The following BANP variants were observed in gnomAD, a reference collection of about 807,000 sequenced individuals.
The protein encoded by BANP is protein BANP.
Under a neutral mutation model 68.1 loss-of-function variants are expected in BANP, and 11 were observed. The ratio of observed to expected loss-of-function variants is 0.16; its 90% CI spans 0.10 to 0.27. BANP has a LOEUF of 0.27. BANP is among the 10% of genes least tolerant of loss of function. BANP has a pLI of 1.00. For synonymous variants in BANP, 329 were observed against 303.2 expected, an observed-to-expected ratio of 1.09 and a Z score of -0.88; for missense variants, 504 against 722.7, an observed-to-expected ratio of 0.70 and a Z score of 3.47.
intron 11 of BANP, among the ~76,000 whole-genome samples, chr16:88,047,893 T>C (rs569003684): frequency 5.9e-5 from 9 of 152,244 alleles, no homozygotes; most frequent in Non-Finnish European, 1.0e-4. Flanking sequence ...TCCTGTCACT[T>C]AAACATTTTG....
rs552520542 is a variant in BANP at position 87,998,768 on chromosome 16, G to A, written c.363-5527G>A. Among the ~76,000 whole-genome samples, 5 of 144,426 alleles carry A rather than the reference G, an allele frequency of 3.5e-5. No individual in the cohort carries two copies. In the South Asian group the frequency reaches 9.0e-4, roughly 26 times the overall value. The allele number at this position is 144,426 out of a possible 152,430, so 94.7% of individuals were successfully genotyped here. Reference sequence around the variant, plus strand: ...CCTGTCTTTCCAGACACCCAGACACGTCTCCATGCACGCACGTGCGCGGCT... The same window carrying A: ...CCTGTCTTTCCAGACACCCAGACACATCTCCATGCACGCACGTGCGCGGCT... On this transcript the variant is annotated intron_variant, in intron 4 of 13. Coordinates refer to ENST00000682872, the MANE Select transcript of BANP (RefSeq NM_001386991.1).
At chr16:88,050,277 C>T (rs1297734520) in intron 11 of BANP, among the ~76,000 whole-genome samples, 1 of 152,184 alleles carries the variant, frequency 6.6e-6, no homozygotes, top group Admixed American at 6.5e-5. Context: ...CCACCTCAGC[C>T]TCCCCGGTGG....
intron 3 of BANP, among the ~76,000 whole-genome samples, chr16:87,983,236 TC>T (rs1201800437): frequency 1.3e-5 from 2 of 151,522 alleles, no homozygotes; most frequent in Admixed American, 1.3e-4. Context: ...TGGTGGGCGC[TC>T]CCCCAACCTG....
chr16:88,010,028 T>C (rs1475660801), intron 6 of BANP, among the ~76,000 whole-genome samples: 5 of 152,274 alleles, frequency 3.3e-5, no homozygotes, highest in African/African-American at 1.2e-4. Flanking sequence ...CGGTAGTTCC[T>C]GACTGTTGAA....
intron 4 of BANP, among the ~76,000 whole-genome samples, chr16:87,986,489 G>A (rs1383595643): frequency 6.6e-6 from 1 of 152,230 alleles, no homozygotes; most frequent in African/African-American, 2.4e-5. Context: ...TTGGGCCTCT[G>A]ACTGTCACAG....
chr16:88,028,706 A>G (rs551147156), intron 8 of BANP, among the ~76,000 whole-genome samples: 10 of 152,372 alleles, frequency 6.6e-5, no homozygotes, highest in African/African-American at 2.4e-4. Context: ...AATACCATGT[A>G]GCAGCGTAAC....
intron 1 of BANP, among the ~76,000 whole-genome samples, chr16:87,972,104 T>G (rs894041187): frequency 1.9e-4 from 29 of 152,368 alleles, no homozygotes; most frequent in African/African-American, 6.3e-4. Flanking sequence ...GTTTTCATCT[T>G]TAGCATCTCC....
intron 3 of BANP, among the ~76,000 whole-genome samples, chr16:87,981,948 C>A (rs969047261): frequency 6.6e-6 from 1 of 152,212 alleles, no homozygotes; most frequent in African/African-American, 2.4e-5. Flanking sequence ...GTTATGAGAG[C>A]AACACAAAAC....
chr16:88,037,603 G>A (rs563763954), intron 10 of BANP: 5 of 285,920 alleles, frequency 1.7e-5, no homozygotes, highest in East Asian at 1.0e-4. Flanking sequence ...TCAGCAAGGC[G>A]TCCCCCTTCG....
At chr16:87,950,041 C>G (rs9928407), upstream of BANP, among the ~76,000 whole-genome samples, 21 of 151,958 alleles carry the variant, frequency 1.4e-4, no homozygotes, top group Admixed American at 1.3e-3. Context: ...CCGCGCCGGG[C>G]TAATTTTTTG....
intron 7 of BANP, 115 bp from the exon 8 acceptor site, chr16:88,027,368 C>T (rs774056653): frequency 2.7e-5 from 31 of 1,168,120 alleles, no homozygotes; most frequent in South Asian, 5.7e-5. Flanking sequence ...GCCGGCCTGG[C>T]GGGCTGGGGT....
At position 88,064,544 on chromosome 16, in the gene BANP, G is replaced by A. The variant is rs1346860598; in HGVS notation, c.1312-723G>A. On this transcript the variant is annotated intron_variant, in intron 11 of 13. Transcript: ENST00000682872. The surrounding 1 kb of genome is among the most constrained non-coding windows in gnomAD (Gnocchi z 4.5). ...GGCTAGGCGTCCAGGCCAGCATCGG[G>A]TTGGCTGAGGGTTTGCCGAGGAGAG... 1.3e-5 allele frequency among the ~76,000 whole-genome samples: 2 copies of A among 152,274 alleles called. No homozygotes were observed. The highest frequency in any genetic ancestry group is 2.9e-5 in the Non-Finnish European group (2 of 68,048).
intron 11 of BANP, among the ~76,000 whole-genome samples, chr16:88,058,116 A>C (rs1271334899): frequency 2.7e-5 from 4 of 149,272 alleles, no homozygotes; most frequent in African/African-American, 7.7e-5. Context: ...GGAATCTTTC[A>C]TCTAGAGACT....
At chr16:88,031,327 C>G (rs1309158475) in intron 8 of BANP, among the ~76,000 whole-genome samples, 1 of 152,194 alleles carries the variant, frequency 6.6e-6, no homozygotes, top group Admixed American at 6.5e-5. Flanking sequence ...TAGGCAATTT[C>G]TAGCATATTG....
At chr16:88,048,538 G>A (rs2082515418) in intron 11 of BANP, among the ~76,000 whole-genome samples, 2 of 151,826 alleles carry the variant, frequency 1.3e-5, no homozygotes, top group Admixed American at 1.3e-4. Context: ...GATTCTAACA[G>A]TGTTCTTGGT....
At chr16:88,038,637 G>A (rs1567837901) in intron 11 of BANP, among the ~76,000 whole-genome samples, 1 of 152,218 alleles carries the variant, frequency 6.6e-6, no homozygotes, top group Admixed American at 6.5e-5. Flanking sequence ...TGAAAAGAGT[G>A]ACCATTGGTT....
Position 87,984,071 on chromosome 16 carries a change from T to G in BANP, c.174T>G (p.Tyr58Ter). The change falls in exon 4 of 14, where the codon TAT becomes TAG. Residue 58 changes from tyrosine (Y) to a stop codon, truncating the protein, a stop_gained. Coordinates refer to ENST00000682872, the MANE Select transcript of BANP (RefSeq NM_001386991.1). LOFTEE classifies it high-confidence loss of function. ...TTTTTCACTTCCAGTCATTCCTGTATTCCATCAACCAGACAATCTGCTTGC... is the reference window on the plus strand; with the variant it reads ...TTTTTCACTTCCAGTCATTCCTGTAGTCCATCAACCAGACAATCTGCTTGC... Reference protein sequence around the residue: ...CQDPSIKSFLYSINQTICLRL... With the variant: ...CQDPSIKSFL 6.2e-7 allele frequency: 1 copy of G among 1,614,046 alleles called. No homozygotes were observed. The highest frequency in any genetic ancestry group is 8.5e-7 in the Non-Finnish European group (1 of 1,179,938).
intron 11 of BANP, among the ~76,000 whole-genome samples, chr16:88,050,164 A>G (rs945682177): frequency 6.6e-6 from 1 of 152,214 alleles, no homozygotes. Context: ...CTAGCTAGCC[A>G]GCTAATCGAT....
rs2058239087 is a variant in BANP, at chr16:87,957,196, C to G, written c.-69+5681C>G. On this transcript the variant is annotated intron_variant, in intron 1 of 13. Transcript: ENST00000682872. This position sits in a 1 kb window ranked among gnomAD's most constrained non-coding sequence, Gnocchi z 4.3. ...CGCTGCTCCCATGGGAGGTGTCTCT[C>G]TGGGGAAGGGGTCAGTGGTGGTGGA... 1 of 152,234 alleles carries G rather than the reference C, an allele frequency of 6.6e-6. No individual in the cohort carries two copies. Among genetic ancestry groups the G allele is most frequent in the Non-Finnish European group, 1.5e-5 (1 of 68,066 alleles). 9.4% of individuals were successfully genotyped at this position (152,234 alleles called of 1,614,324 possible). A position where few individuals can be genotyped will look rare whatever the true frequency, so the allele number is the denominator to read the frequency against.
Sources: allele counts gnomAD v4.1 joint callset (sites outside exome capture counted in the v4.1 genomes callset), GRCh38; gene constraint gnomAD v4.1.1; non-coding constraint Gnocchi (gnomAD v3.1); transcripts MANE v1.5; gene names NCBI Gene and HGNC (gene_info 2026-07-23, HGNC 2026-07-21).